RABGAP1L: variants seen among roughly 807,000 people sequenced by gnomAD.
RABGAP1L encodes rab GTPase-activating protein 1-like.
RABGAP1L carries 63 observed loss-of-function variants against 137.7 expected under a neutral mutation model. The observed-to-expected ratio is 0.46, with a 90% confidence interval of 0.37 to 0.56. The LOEUF (loss-of-function observed/expected upper bound fraction) is 0.56, where lower values mean the gene tolerates loss of function less well. RABGAP1L is among the 20% of genes least tolerant of loss of function. The pLI is 0.00. For synonymous variants in RABGAP1L, 431 were observed against 433.7 expected (o/e 0.99, Z 0.08); for missense variants, 1,095 against 1,244.0 (o/e 0.88, Z 1.80).
intron 10 of RABGAP1L, among the ~76,000 whole-genome samples, chr1:174,292,329 C>CTTTTTTTTTTTTTTTTTTTTT (rs61636433): frequency 2.0e-5 from 1 of 50,600 alleles, no homozygotes; most frequent in Non-Finnish European, 3.5e-5. Context: ...CCTACCTAAT[C>CTTTTTTTTTTTTTTTTTTTTT]TTTTTTTTTT....
At chr1:174,168,797 C>T in intron 1 of RABGAP1L, among the ~76,000 whole-genome samples, 1 of 152,168 alleles carries the variant, frequency 6.6e-6, no homozygotes, top group Non-Finnish European at 1.5e-5. Context: ...AATTTTTCAG[C>T]ATGAATTATG....
chr1:174,599,419 C>T (rs578247193), intron 13 of RABGAP1L, among the ~76,000 whole-genome samples: 1 of 152,162 alleles, frequency 6.6e-6, no homozygotes, highest in Non-Finnish European at 1.5e-5. Flanking sequence ...CTATGTACTT[C>T]CTATTAGCAG....
intron 19 of RABGAP1L, among the ~76,000 whole-genome samples, chr1:174,919,635 C>T (rs188014145): frequency 6.6e-6 from 1 of 152,224 alleles, no homozygotes; most frequent in Non-Finnish European, 1.5e-5. Context: ...GGGAGGATTG[C>T]TTGAATCCAG....
At chr1:174,518,671 T>C (rs545233731) in intron 13 of RABGAP1L, among the ~76,000 whole-genome samples, 22 of 152,358 alleles carry the variant, frequency 1.4e-4, no homozygotes, top group African/African-American at 4.3e-4. Flanking sequence ...CATTGTGTTC[T>C]ATATGAATGG....
At chr1:174,765,663 T>C (rs1685608465) in intron 18 of RABGAP1L, among the ~76,000 whole-genome samples, 2 of 152,116 alleles carry the variant, frequency 1.3e-5, no homozygotes, top group African/African-American at 2.4e-5. Context: ...AACAGTTCTT[T>C]ATATGTGCTG....
chr1:174,252,217 G>A (rs546133542), intron 6 of RABGAP1L, among the ~76,000 whole-genome samples: 1 of 152,082 alleles, frequency 6.6e-6, no homozygotes, highest in Admixed American at 6.6e-5. Context: ...TTAAGATCTT[G>A]CTTTTAACTT....
intron 19 of RABGAP1L, among the ~76,000 whole-genome samples, chr1:174,915,329 C>T (rs949039424): frequency 6.6e-6 from 1 of 152,184 alleles, no homozygotes; most frequent in Non-Finnish European, 1.5e-5. Flanking sequence ...TCCTCAACAA[C>T]ACTTGATGTC....
chr1:174,646,018 G>A (rs1674941619), intron 14 of RABGAP1L, among the ~76,000 whole-genome samples: 1 of 152,048 alleles, frequency 6.6e-6, no homozygotes, highest in Non-Finnish European at 1.5e-5. Flanking sequence ...TTTAAGAAGT[G>A]TCTGTTCATA....
intron 19 of RABGAP1L, among the ~76,000 whole-genome samples, chr1:174,941,389 T>A (rs1432121942): frequency 6.6e-6 from 1 of 152,234 alleles, no homozygotes; most frequent in Non-Finnish European, 1.5e-5. Context: ...TCTTTAAATC[T>A]ACACCAGAGA....
chr1:174,343,559 T>C (rs1487624666), intron 11 of RABGAP1L, among the ~76,000 whole-genome samples: 1 of 152,218 alleles, frequency 6.6e-6, no homozygotes, highest in Non-Finnish European at 1.5e-5. Flanking sequence ...ATCGGGCTAA[T>C]ACATTTGATT....
intron 1 of RABGAP1L, among the ~76,000 whole-genome samples, chr1:174,209,176 A>C (rs1668699947): frequency 6.6e-6 from 1 of 152,174 alleles, no homozygotes; most frequent in African/African-American, 2.4e-5. Flanking sequence ...GGCAATAATA[A>C]TACTCGCTTA....
chr1:174,919,050 G>A (rs1354849149), intron 19 of RABGAP1L, among the ~76,000 whole-genome samples: 1 of 142,110 alleles, frequency 7.0e-6, no homozygotes, highest in Non-Finnish European at 1.5e-5. Flanking sequence ...ACAGAGTCTT[G>A]CTCTTTCACC....
intron 13 of RABGAP1L, among the ~76,000 whole-genome samples, chr1:174,510,355 C>T (rs1287496212): frequency 6.6e-6 from 1 of 152,072 alleles, no homozygotes; most frequent in South Asian, 2.1e-4. Flanking sequence ...ACCTATATGT[C>T]ACACGTAGCA....
intron 13 of RABGAP1L, among the ~76,000 whole-genome samples, chr1:174,401,990 C>G (rs1480222402): frequency 3.9e-5 from 6 of 152,152 alleles, no homozygotes; most frequent in Non-Finnish European, 7.3e-5. Flanking sequence ...ACTCTAGACT[C>G]TACAGTCTAA....
At chr1:174,581,795 G>T (rs1668769518) in intron 13 of RABGAP1L, among the ~76,000 whole-genome samples, 1 of 152,128 alleles carries the variant, frequency 6.6e-6, no homozygotes, top group African/African-American at 2.4e-5. Context: ...AGGAGCAATA[G>T]AAGTGGAGCA....
At chr1:174,580,761 C>T (rs944051398) in intron 13 of RABGAP1L, among the ~76,000 whole-genome samples, 2 of 151,700 alleles carry the variant, frequency 1.3e-5, no homozygotes, top group Admixed American at 6.6e-5. Flanking sequence ...GCACATATAC[C>T]CTAAAACTTA....
intron 13 of RABGAP1L, among the ~76,000 whole-genome samples, chr1:174,550,909 TACACACAC>T (rs1159259220): frequency 4.3e-5 from 2 of 46,284 alleles, no homozygotes; most frequent in African/African-American, 3.1e-4. Context: ...CACACACATA[TACACACAC>T]ACACATATAT....
intron 17 of RABGAP1L, among the ~76,000 whole-genome samples, chr1:174,726,225 T>G (rs1316256823): frequency 6.6e-6 from 1 of 152,112 alleles, no homozygotes; most frequent in Non-Finnish European, 1.5e-5. Flanking sequence ...TTTGCGGGGT[T>G]GGAGTTTTCA....
chr1:174,730,438 A>C (rs1682370165), intron 17 of RABGAP1L, among the ~76,000 whole-genome samples: 1 of 152,222 alleles, frequency 6.6e-6, no homozygotes, highest in African/African-American at 2.4e-5. Flanking sequence ...CATGTAACCG[A>C]CCTGCATATG....
Sources: gnomAD v4.1 joint callset for allele counts (sites outside exome capture counted in the v4.1 genomes callset) on GRCh38, gnomAD v4.1.1 for gene constraint, MANE v1.5 for transcripts, NCBI Gene and HGNC (gene_info 2026-07-23, HGNC 2026-07-21) for gene names.